Variants in YTHDC2 observed in about 807,000 individuals in gnomAD.
The protein encoded by YTHDC2 is YTH N6-methyladenosine RNA binding protein C2.
YTHDC2 carries 45 observed loss-of-function variants against 174.9 expected under a neutral mutation model. The ratio of observed to expected loss-of-function variants is 0.26; its 90% CI spans 0.20 to 0.33. The LOEUF (loss-of-function observed/expected upper bound fraction) is 0.33. Among genes scored for constraint, YTHDC2 ranks in the 10% least tolerant of loss-of-function variants. The pLI is 1.00. For synonymous variants in YTHDC2, 657 were observed against 574.5 expected, an observed-to-expected ratio of 1.14 and a Z score of -2.05; for missense variants, 1,650 against 1,723.7, an observed-to-expected ratio of 0.96 and a Z score of 0.76.
At chr5:113,546,771 G>A (rs1775912664) in intron 10 of YTHDC2, among the ~76,000 whole-genome samples, 1 of 152,184 alleles carries the variant, frequency 6.6e-6, no homozygotes, top group African/African-American at 2.4e-5. Flanking sequence ...TGTTCGTAGG[G>A]ACTACATTCA....
intron 27 of YTHDC2, among the ~76,000 whole-genome samples, chr5:113,591,526 T>C (rs1443965333): frequency 6.6e-6 from 1 of 152,164 alleles, no homozygotes; most frequent in African/African-American, 2.4e-5. Context: ...ATGAGAAGCT[T>C]GACCTTTTGG....
rs1420807601 is a variant in YTHDC2 at position 113,519,720 on chromosome 5, T to G, written c.278+4358T>G. ...GGCAGGAGCAAACATTTACTAAGTGTTGTTGTATACTTGTGCTAGGTGCTT... is the reference window on the plus strand; with the variant it reads ...GGCAGGAGCAAACATTTACTAAGTGGTGTTGTATACTTGTGCTAGGTGCTT... On this transcript the variant is annotated intron_variant, in intron 2 of 29. Transcript: ENST00000161863. Among the ~76,000 whole-genome samples the G allele has an allele frequency of 2.0e-5, 3 of 152,290 alleles. No homozygotes were observed. In the South Asian group the frequency reaches 6.2e-4, roughly 32 times the overall value.
chr5:113,519,221 C>T (rs1773695215), intron 2 of YTHDC2, among the ~76,000 whole-genome samples: 1 of 152,100 alleles, frequency 6.6e-6, no homozygotes, highest in Non-Finnish European at 1.5e-5. Context: ...TGAAAACATT[C>T]TTGGAGTAAA....
Position 113,545,727 on chromosome 5 carries a change from CATTTTTTTT to C in YTHDC2, c.1496-2813_1496-2805del, listed in dbSNP as rs1775832414. Among the ~76,000 whole-genome samples, 2 of 80,368 alleles carry C rather than the reference CATTTTTTTT, an allele frequency of 2.5e-5. 1 individual carries two copies. Among genetic ancestry groups the C allele is most frequent in the African/African-American group, 2.1e-4 (2 of 9,672 alleles). The allele number at this position is 80,368 out of a possible 152,430, so 52.7% of individuals were successfully genotyped here. A position where few individuals can be genotyped will look rare whatever the true frequency, so the allele number is the denominator to read the frequency against. The stretch of plus-strand genomic sequence containing the variant: ...GATTTTTTGAAAAATAATTGATCTC[CATTTTTTTT>C]TTTTTTTTTTTTTTTTTTTTTTGAG... On this transcript the variant is annotated intron_variant, in intron 10 of 29. Transcript: ENST00000161863.
Position 113,533,230 on chromosome 5 carries a change from A to C in YTHDC2, c.842+185A>C, listed in dbSNP as rs944428106. On this transcript the variant is annotated intron_variant, in intron 5 of 29. Transcript: ENST00000161863. Reference sequence around the variant, plus strand: ...GTATTGAATGAAGAGTTTGAAAAAGACTTTGAACCATAGATAAAAATTCCA... The same window carrying C: ...GTATTGAATGAAGAGTTTGAAAAAGCCTTTGAACCATAGATAAAAATTCCA... Among the ~76,000 whole-genome samples, 5 of 152,300 alleles carry C rather than the reference A, an allele frequency of 3.3e-5. No homozygotes were observed. In the South Asian group the frequency reaches 6.2e-4, roughly 19 times the overall value.
Position 113,565,978 on chromosome 5 carries a change from T to C in YTHDC2, c.2801T>C (p.Ile934Thr), listed in dbSNP as rs1456479450. ...FLSQATMEII[I>T]GMRTQLLGQL... ...TCACAGGCTACTATGGAAATAATCATAGGCATGAGAACACAGTTGCTTGGT... is the reference window on the plus strand; with the variant it reads ...TCACAGGCTACTATGGAAATAATCACAGGCATGAGAACACAGTTGCTTGGT... The change falls in exon 21 of 30, where the codon ATA becomes ACA. Residue 934 changes from isoleucine (I) to threonine (T), a missense_variant. Around this residue, in one of 5 missense-constraint regions of YTHDC2, gnomAD observed 913 missense variants for 940.4 expected, o/e 0.97. Coordinates refer to ENST00000161863, the MANE Select transcript of YTHDC2 (RefSeq NM_022828.5). 6.2e-7 allele frequency: 1 copy of C among 1,613,206 alleles called. No individual in the cohort carries two copies. The highest frequency in any genetic ancestry group is 1.1e-5 in the South Asian group (1 of 90,924).
chr5:113,573,997 C>T (rs1198571563), intron 23 of YTHDC2, among the ~76,000 whole-genome samples: 1 of 152,204 alleles, frequency 6.6e-6, no homozygotes, highest in African/African-American at 2.4e-5. Context: ...CAGTTCTGTG[C>T]CCTTGCTAGA....
Position 113,566,446 on chromosome 5 carries a change from C to CTT in YTHDC2, c.2842+445_2842+446dup, listed in dbSNP as rs34372128. Among the ~76,000 whole-genome samples, 195 of 122,440 alleles carry CTT rather than the reference C, an allele frequency of 1.6e-3. 2 individuals are homozygous for CTT. The highest frequency in any genetic ancestry group is 4.7e-3 in the African/African-American group (149 of 31,620). The allele number at this position is 122,440 out of a possible 152,430, so 80.3% of individuals were successfully genotyped here. A position where few individuals can be genotyped will look rare whatever the true frequency, so the allele number is the denominator to read the frequency against. ...AACAGCTAGTAATACTTGAAGTCAC[C>CTT]TTTTTTTTTTTTTTTTTTTGAAGAG... On this transcript the variant is annotated intron_variant, in intron 21 of 29. Transcript: ENST00000161863.
rs1940207626 is a variant in YTHDC2, at chr5:113,558,852, G to A, written c.2217-2228G>A. Among the ~76,000 whole-genome samples, 6 of 150,626 alleles carry A rather than the reference G, an allele frequency of 4.0e-5. No homozygotes were observed. The South Asian group carries it at 1.3e-3, about 32-fold the overall frequency. ...CAGGAGAATCGCTTGAACCTGGGAG[G>A]CAGAGGCTGCATTGAGCCGAGACCA... On this transcript the variant is annotated intron_variant, in intron 17 of 29. Transcript: ENST00000161863.
chr5:113,560,886 T>C (rs1188516991), intron 17 of YTHDC2, among the ~76,000 whole-genome samples, 194 bp from the exon 18 acceptor site: 3 of 152,208 alleles, frequency 2.0e-5, no homozygotes, highest in Non-Finnish European at 4.4e-5. Context: ...AATCTCACTG[T>C]CTGAAATAAT....
chr5:113,582,177 A>G (rs1479661897), intron 25 of YTHDC2: 1 of 152,410 alleles, frequency 6.6e-6, no homozygotes, highest in East Asian at 1.9e-4. Context: ...ACTCAGTGAC[A>G]CATTGAATGC....
chr5:113,578,107 T>C (rs1443977543), intron 23 of YTHDC2, among the ~76,000 whole-genome samples: 1 of 152,208 alleles, frequency 6.6e-6, no homozygotes, highest in Non-Finnish European at 1.5e-5. Context: ...TCTAAAGTTA[T>C]ACTATTGATT....
Position 113,526,569 on chromosome 5 carries a change from T to A in YTHDC2, c.476-17T>A, listed in dbSNP as rs764216662. On this transcript the variant is annotated splice_polypyrimidine_tract_variant and intron_variant, in intron 3 of 29. Transcript: ENST00000161863. ...GTGTTGATCATACATTTTTTGTTCTTTTATTCATTTTCAAAGAAAACCGGG... is the reference window on the plus strand; with the variant it reads ...GTGTTGATCATACATTTTTTGTTCTATTATTCATTTTCAAAGAAAACCGGG... 9 of 1,544,468 alleles carry A rather than the reference T, an allele frequency of 5.8e-6. No individual in the cohort carries two copies. Among genetic ancestry groups the A allele is most frequent in the Non-Finnish European group, 7.0e-6 (8 of 1,143,048 alleles).
chr5:113,588,155 A>T (rs1424853039), intron 26 of YTHDC2, among the ~76,000 whole-genome samples: 1 of 152,074 alleles, frequency 6.6e-6, no homozygotes, highest in Non-Finnish European at 1.5e-5. Context: ...GATAATAAAG[A>T]TAATTTTACT....
chr5:113,567,577 T>G lies in YTHDC2; in HGVS notation c.3049-77T>G, dbSNP rs917748530. Reference sequence around the variant, plus strand: ...TACATCATCTATTTCATTGAGAGACTTTACATTTTAAAAGTATTTCCAATA... The same window carrying G: ...TACATCATCTATTTCATTGAGAGACGTTACATTTTAAAAGTATTTCCAATA... On this transcript the variant is annotated intron_variant, in intron 22 of 29. Coordinates refer to ENST00000161863, the MANE Select transcript of YTHDC2 (RefSeq NM_022828.5). 42 of 1,265,320 alleles carry G rather than the reference T, an allele frequency of 3.3e-5. No homozygotes were observed. In the African/African-American group the frequency reaches 6.3e-4, roughly 19 times the overall value. 78.4% of individuals were successfully genotyped at this position (1,265,320 alleles called of 1,614,324 possible).
intron 10 of YTHDC2, among the ~76,000 whole-genome samples, chr5:113,547,291 G>T (rs939446596): frequency 7.9e-5 from 12 of 152,152 alleles, no homozygotes; most frequent in Non-Finnish European, 1.6e-4. Flanking sequence ...CTTTTAAAAT[G>T]CCTGACCATC....
chr5:113,518,556 CGTGTGTGTGTGTGTGTGTGTGTGTGTGT>C (rs67062871), intron 2 of YTHDC2, among the ~76,000 whole-genome samples: 11 of 144,466 alleles, frequency 7.6e-5, no homozygotes, highest in Non-Finnish European at 1.5e-4. Flanking sequence ...AGTTAGTTTT[CGTGTGTGTGTGTGTGTGTGTGTGTGTGT>C]GTGTGTGTGT....
chr5:113,561,561 C>T (rs1007957579), intron 18 of YTHDC2, among the ~76,000 whole-genome samples: 6 of 151,504 alleles, frequency 4.0e-5, no homozygotes, highest in African/African-American at 1.5e-4. Context: ...CTCCACCTCC[C>T]GGGTTCAAGC....
At chr5:113,518,315 C>T (rs571477707) in intron 2 of YTHDC2, among the ~76,000 whole-genome samples, 1 of 151,898 alleles carries the variant, frequency 6.6e-6, no homozygotes, top group South Asian at 2.1e-4. Context: ...ATCCTCTCAC[C>T]TCAGCCTCTT....
Sources: allele counts gnomAD v4.1 joint callset (sites outside exome capture counted in the v4.1 genomes callset), GRCh38; gene constraint gnomAD v4.1.1; regional missense constraint gnomAD v4.1.1; transcripts MANE v1.5; gene names NCBI Gene and HGNC (gene_info 2026-07-23, HGNC 2026-07-21).